The following LRRIQ4 variants were observed in gnomAD, a reference collection of about 807,000 sequenced individuals.
LRRIQ4 encodes the protein leucine-rich repeat and IQ domain-containing protein 4.
A neutral mutation model predicts 40.1 loss-of-function variants in LRRIQ4; 21 were observed. That is an observed-to-expected ratio of 0.52 (90% CI 0.37 to 0.75). LRRIQ4 has a LOEUF of 0.75. Ranked by LOEUF, LRRIQ4 falls within the 30% of genes least tolerant of loss-of-function variation. LRRIQ4 has a pLI of 0.00. For missense variants in LRRIQ4, 655 were observed against 660.0 expected (o/e 0.99, Z 0.08); for synonymous variants, 277 against 277.1 (o/e 1.00, Z 0.00).
chr3:169,833,893 C>T (rs1780243232), intron 5 of LRRIQ4, among the ~76,000 whole-genome samples: 1 of 152,168 alleles, frequency 6.6e-6, no homozygotes. Context: ...CTCTCAATAG[C>T]CCTCAACCCT....
chr3:169,828,982 A>C (rs1780104915), intron 3 of LRRIQ4, 50 bp downstream of exon 3: 1 of 1,516,740 alleles, frequency 6.6e-7, no homozygotes, highest in Admixed American at 2.2e-5. Flanking sequence ...ACTGCCTCTT[A>C]AATTGGCTGA....
intron 2 of LRRIQ4, among the ~76,000 whole-genome samples, chr3:169,826,488 C>G (rs571394527): frequency 6.6e-6 from 1 of 152,178 alleles, no homozygotes; most frequent in African/African-American, 2.4e-5. Context: ...CAGTAATTGT[C>G]CTCATCTAAT....
At chr3:169,834,593 A>G (rs7647824) in intron 5 of LRRIQ4, among the ~76,000 whole-genome samples, 48,595 of 152,114 alleles carry the variant, frequency 0.32, 8,336 homozygotes, top group East Asian at 0.62. Context: ...TGTTAGATCA[A>G]TATTTTAAAT....
chr3:169,816,450 G>T (rs1448296950), intron 1 of LRRIQ4, among the ~76,000 whole-genome samples: 2 of 151,918 alleles, frequency 1.3e-5, no homozygotes, highest in Admixed American at 6.6e-5. Context: ...TTAACATATA[G>T]TTGATCCTTG....
chr3:169,830,377 G>GAAAAAAAAAAAAAAAAAAAAAAAAAAA lies in LRRIQ4; in HGVS notation c.1195-109_1195-83dup, dbSNP rs56795981. 5 of 106,682 alleles carry GAAAAAAAAAAAAAAAAAAAAAAAAAAA rather than the reference G, an allele frequency of 4.7e-5. 1 individual carries two copies. The highest frequency in any genetic ancestry group is 4.0e-4 in the East Asian group (1 of 2,496). The allele number at this position is 106,682 out of a possible 1,614,324, so 6.6% of individuals were successfully genotyped here. A position where few individuals can be genotyped will look rare whatever the true frequency, so the allele number is the denominator to read the frequency against. On this transcript the variant is annotated intron_variant, in intron 3 of 5. Coordinates refer to ENST00000340806, the MANE Select transcript of LRRIQ4 (RefSeq NM_001080460.3). ...AATGCGTAATTTCCCCACTGAAAGT[G>GAAAAAAAAAAAAAAAAAAAAAAAAAAA]AAAAAAAAAAAAAAAAAAAAAAAAA...
At chr3:169,829,993 G>A (rs1216233911) in intron 3 of LRRIQ4, among the ~76,000 whole-genome samples, 2 of 152,110 alleles carry the variant, frequency 1.3e-5, no homozygotes. Flanking sequence ...CAATCTTAGG[G>A]TGAAGTACAA....
intron 2 of LRRIQ4, among the ~76,000 whole-genome samples, chr3:169,825,495 C>G (rs1354845248): frequency 6.6e-6 from 1 of 152,294 alleles, no homozygotes; most frequent in South Asian, 2.1e-4. Flanking sequence ...TCCGTGAGAG[C>G]CCGGCCCTGA....
chr3:169,821,601 T>C (rs896841980), intron 1 of LRRIQ4, among the ~76,000 whole-genome samples: 1 of 151,938 alleles, frequency 6.6e-6, no homozygotes, highest in Non-Finnish European at 1.5e-5. Context: ...GATCACACCA[T>C]TGCACTCCAG....
chr3:169,831,122 C>T (rs1386136287), intron 4 of LRRIQ4, among the ~76,000 whole-genome samples: 54 of 151,942 alleles, frequency 3.6e-4, no homozygotes, highest in Admixed American at 3.5e-3. Flanking sequence ...TTCCACTACA[C>T]TAAGCCATTC....
In LRRIQ4 at chr3:169,837,670, G is replaced by A. The variant is rs1178329284; in HGVS notation, c.*39G>A. ...TAAATTGGGGTAATGGACCTTGATA[G>A]ATTAAGAAGACAAAATATCTAGGAA... is the stretch of plus-strand genomic sequence containing the variant. On this transcript the variant is annotated 3_prime_UTR_variant, in exon 6 of 6. Transcript: ENST00000340806. 6.8e-7 allele frequency: 1 copy of A among 1,462,464 alleles called. No homozygotes were observed. Among genetic ancestry groups the A allele is most frequent in the Non-Finnish European group, 9.1e-7 (1 of 1,094,674 alleles). The allele number at this position is 1,462,464 out of a possible 1,614,324, so 90.6% of individuals were successfully genotyped here. A position where few individuals can be genotyped will look rare whatever the true frequency, so the allele number is the denominator to read the frequency against.
At chr3:169,834,381 G>C (rs1378681661) in intron 5 of LRRIQ4, among the ~76,000 whole-genome samples, 1 of 152,174 alleles carries the variant, frequency 6.6e-6, no homozygotes, top group Non-Finnish European at 1.5e-5. Context: ...TTATTTCAGT[G>C]TGTATATGCT....
At position 169,833,086 on chromosome 3, in the gene LRRIQ4, C is replaced by A. The variant is rs754713329; in HGVS notation, c.1433C>A (p.Pro478His). ...AAGGTTCTGACACTGATGGACAATC[C>A]CATGGAAGAACCCCCAAAAGAAGTG... is the stretch of plus-strand genomic sequence containing the variant. ...NLKVLTLMDN[P>H]MEEPPKEVCA... The change falls in exon 5 of 6, where the codon CCC becomes CAC. Residue 478 changes from proline (P) to histidine (H), a missense_variant. Coordinates refer to ENST00000340806, the MANE Select transcript of LRRIQ4 (RefSeq NM_001080460.3). 3.1e-6 allele frequency: 5 copies of A among 1,613,790 alleles called. No homozygotes were observed. The South Asian group carries it at 5.5e-5, about 18-fold the overall frequency.
intron 1 of LRRIQ4, among the ~76,000 whole-genome samples, chr3:169,816,119 G>T (rs1376779728): frequency 1.3e-5 from 2 of 152,076 alleles, no homozygotes; most frequent in African/African-American, 4.8e-5. Context: ...TGGTTTGCTT[G>T]TTTGTTTGTT....
rs750623369 is a variant in LRRIQ4 at position 169,822,241 on chromosome 3, TCTC to T, written c.328_330del (p.Ser110del). On this transcript the variant is annotated inframe_deletion, in exon 2 of 6. Coordinates refer to ENST00000340806, the MANE Select transcript of LRRIQ4 (RefSeq NM_001080460.3). ...CTGGACCTGAGCTACAACCCCATCTTCTCCTCCTCCCTTGTCGTTGTCAGCTTC... is the reference window on the plus strand; with the variant it reads ...CTGGACCTGAGCTACAACCCCATCTTCTCCTCCCTTGTCGTTGTCAGCTTC... The T allele has an allele frequency of 1.9e-5, 30 of 1,606,112 alleles. 1 individual carries two copies. The highest frequency in any genetic ancestry group is 1.7e-4 in the Admixed American group (10 of 58,174).
At chr3:169,835,366 G>T (rs9832549) in intron 5 of LRRIQ4, among the ~76,000 whole-genome samples, 33 of 72,290 alleles carry the variant, frequency 4.6e-4, no homozygotes, top group Middle Eastern at 6.7e-3. Context: ...GTCTTTTTCT[G>T]TGTGTGTGTG....
At chr3:169,815,891 A>C (rs1779758846) in intron 1 of LRRIQ4, among the ~76,000 whole-genome samples, 1 of 152,234 alleles carries the variant, frequency 6.6e-6, no homozygotes, top group Non-Finnish European at 1.5e-5. Context: ...ATCAATTAAA[A>C]TGATCATATG....
Position 169,822,179 on chromosome 3 carries a change from G to A in LRRIQ4, c.258G>A (p.Leu86=). Residue 86 remains leucine (L), a synonymous_variant, in exon 2 of 6, where the codon CTG becomes CTA. Coordinates refer to ENST00000340806, the MANE Select transcript of LRRIQ4 (RefSeq NM_001080460.3). The stretch of plus-strand genomic sequence containing the variant: ...TGGATAAGAACAACCTGAGGAGCCT[G>A]TGCCCGGCGCTGGGGCTGCTGAGCA... ...LYLDKNNLRS[L]CPALGLLSSL... is the part of the protein sequence containing the mutation. 3 of 1,607,960 alleles carry A rather than the reference G, an allele frequency of 1.9e-6. No homozygotes were observed. Among genetic ancestry groups the A allele is most frequent in the South Asian group, 1.1e-5 (1 of 89,870 alleles).
chr3:169,814,305 C>T (rs1398813979), intron 1 of LRRIQ4, among the ~76,000 whole-genome samples: 1 of 151,664 alleles, frequency 6.6e-6, no homozygotes, highest in Admixed American at 6.6e-5. Context: ...GCCAAATTCC[C>T]CTCGGTCTAC....
At chr3:169,816,512 T>G (rs1453121595) in intron 1 of LRRIQ4, among the ~76,000 whole-genome samples, 1 of 152,114 alleles carries the variant, frequency 6.6e-6, no homozygotes, top group Non-Finnish European at 1.5e-5. Context: ...CTGATTTTAT[T>G]TATTGGATCT....
Sources: gnomAD v4.1 joint callset for allele counts (sites outside exome capture counted in the v4.1 genomes callset) on GRCh38, gnomAD v4.1.1 for gene constraint, MANE v1.5 for transcripts, NCBI Gene and HGNC (gene_info 2026-07-23, HGNC 2026-07-21) for gene names.